IL1RAPL1: variants seen among roughly 807,000 people sequenced by gnomAD.
IL1RAPL1 encodes interleukin-1 receptor accessory protein-like 1.
In IL1RAPL1, 3 loss-of-function variants were observed where a neutral mutation model predicts 48.4. The observed-to-expected ratio is 0.06, with a 90% CI of 0.03 to 0.16. IL1RAPL1 has a LOEUF of 0.16. Among genes scored for constraint, IL1RAPL1 ranks in the 10% least tolerant of loss-of-function variants. The pLI is 1.00. For missense variants in IL1RAPL1, 349 were observed against 530.6 expected (o/e 0.66, Z 3.36); for synonymous variants, 185 against 187.7 (o/e 0.99, Z 0.12).
chrX:29,782,780 G>A (rs971647038), intron 6 of IL1RAPL1, among the ~76,000 whole-genome samples: 8 of 108,082 alleles, frequency 7.4e-5, no homozygotes, highest in Admixed American at 3.0e-4. Flanking sequence ...ACCTTGACAT[G>A]TGAAAGTTGA....
intron 2 of IL1RAPL1, among the ~76,000 whole-genome samples, chrX:29,003,139 C>T (rs2147389464): frequency 9.0e-6 from 1 of 111,460 alleles, no homozygotes; most frequent in East Asian, 2.8e-4. Context: ...GAAAGGCATT[C>T]CAGGCATAAA....
intron 2 of IL1RAPL1, among the ~76,000 whole-genome samples, chrX:28,927,559 A>G (rs1213621906): frequency 9.1e-6 from 1 of 110,372 alleles, no homozygotes; most frequent in African/African-American, 3.3e-5. Context: ...CTCTTTTCAA[A>G]TTAGTTCATC....
chrX:28,856,771 C>T (rs1921816946), intron 2 of IL1RAPL1, among the ~76,000 whole-genome samples: 1 of 111,283 alleles, frequency 9.0e-6, no homozygotes, highest in African/African-American at 3.3e-5. Flanking sequence ...CTTCTTGGGC[C>T]TCCCTACTCC....
At chrX:28,942,361 TAAAC>T (rs1433097552) in intron 2 of IL1RAPL1, 2 of 109,650 alleles carry the variant, frequency 1.8e-5, no homozygotes, top group Non-Finnish European at 3.8e-5. Context: ...ATATATATGA[TAAAC>T]AAATGAATAT....
At chrX:29,060,100 C>T (rs767200998) in intron 2 of IL1RAPL1, among the ~76,000 whole-genome samples, 8 of 111,743 alleles carry the variant, frequency 7.2e-5, no homozygotes, top group African/African-American at 1.9e-4. Context: ...AATCGAGAGG[C>T]AGACAAATTA....
chrX:29,027,570 G>A (rs1926513428), intron 2 of IL1RAPL1, among the ~76,000 whole-genome samples: 1 of 111,763 alleles, frequency 8.9e-6, no homozygotes, highest in African/African-American at 3.3e-5. Context: ...ACAGTTGTTG[G>A]ATTGCATGGT....
At chrX:28,950,350 G>A (rs1479135397) in intron 2 of IL1RAPL1, among the ~76,000 whole-genome samples, 2 of 81,914 alleles carry the variant, frequency 2.4e-5, no homozygotes, top group Non-Finnish European at 4.7e-5. Context: ...TAGCCTTGTA[G>A]TATAGTTTGA....
At chrX:28,828,786 C>A (rs1330885766) in intron 2 of IL1RAPL1, among the ~76,000 whole-genome samples, 2 of 111,687 alleles carry the variant, frequency 1.8e-5, no homozygotes, top group Non-Finnish European at 3.8e-5. Flanking sequence ...AATATGAGTC[C>A]TCCAGTTTTG....
intron 8 of IL1RAPL1, among the ~76,000 whole-genome samples, chrX:29,922,293 G>C (rs1034929796): frequency 2.0e-4 from 22 of 111,782 alleles, no homozygotes; most frequent in African/African-American, 6.8e-4. Context: ...AGTAATATTT[G>C]ATTTCCTAAA....
At chrX:28,961,157 A>G (rs1353288599) in intron 2 of IL1RAPL1, among the ~76,000 whole-genome samples, 1 of 110,603 alleles carries the variant, frequency 9.0e-6, no homozygotes, top group African/African-American at 3.3e-5. Context: ...GTTTGAGTCC[A>G]CTAAGAATAT....
At chrX:29,043,252 C>A (rs755654185) in intron 2 of IL1RAPL1, among the ~76,000 whole-genome samples, 1 of 111,403 alleles carries the variant, frequency 9.0e-6, no homozygotes, top group African/African-American at 3.3e-5. Flanking sequence ...TGTTTGTGAT[C>A]TCTTTATCCA....
chrX:29,226,829 C>T (rs1184645277), intron 2 of IL1RAPL1, among the ~76,000 whole-genome samples: 1 of 111,178 alleles, frequency 9.0e-6, no homozygotes, highest in Admixed American at 9.6e-5. Flanking sequence ...ATACTTATTA[C>T]CTGATAAAGT....
intron 6 of IL1RAPL1, among the ~76,000 whole-genome samples, chrX:29,719,555 G>A (rs941237306): frequency 1.8e-5 from 2 of 109,942 alleles, no homozygotes; most frequent in South Asian, 3.9e-4. Flanking sequence ...TTGTTTCAGT[G>A]AACCTAGAAC....
At chrX:28,985,307 A>G (rs985048079) in intron 2 of IL1RAPL1, among the ~76,000 whole-genome samples, 6 of 111,880 alleles carry the variant, frequency 5.4e-5, no homozygotes, top group Admixed American at 9.4e-5. Flanking sequence ...AAAATCTATA[A>G]CCTAAATATA....
chrX:28,833,471 A>G (rs182368312), intron 2 of IL1RAPL1, among the ~76,000 whole-genome samples: 2 of 111,463 alleles, frequency 1.8e-5, no homozygotes, highest in African/African-American at 3.3e-5. Context: ...TTTCTTTGCA[A>G]CCTTGCCAAC....
intron 6 of IL1RAPL1, among the ~76,000 whole-genome samples, chrX:29,893,572 T>A (rs1932315996): frequency 9.0e-6 from 1 of 111,380 alleles, no homozygotes; most frequent in Admixed American, 9.6e-5. Flanking sequence ...GAATAATATT[T>A]CTCCCTACTT....
chrX:29,088,301 A>C (rs763995532), intron 2 of IL1RAPL1, among the ~76,000 whole-genome samples: 7 of 112,012 alleles, frequency 6.2e-5, no homozygotes, highest in Admixed American at 1.9e-4. Flanking sequence ...TTTCCTATCC[A>C]GGTCTAGCTT....
intron 2 of IL1RAPL1, among the ~76,000 whole-genome samples, chrX:28,907,198 T>C (rs1248894643): frequency 8.9e-6 from 1 of 111,962 alleles, no homozygotes; most frequent in African/African-American, 3.2e-5. Flanking sequence ...GATTATATGA[T>C]TTTTCTTTAG....
At chrX:29,417,747 C>A (rs745419235) in intron 5 of IL1RAPL1, among the ~76,000 whole-genome samples, 2 of 111,144 alleles carry the variant, frequency 1.8e-5, no homozygotes, top group South Asian at 7.5e-4. Context: ...TCACTACTGT[C>A]TTCTGATGGT....
Sources: allele counts gnomAD v4.1 joint callset (sites outside exome capture counted in the v4.1 genomes callset), GRCh38; gene constraint gnomAD v4.1.1; transcripts MANE v1.5; gene names NCBI Gene and HGNC (gene_info 2026-07-23, HGNC 2026-07-21).